SHROOM3: variants seen among roughly 807,000 people sequenced by gnomAD.
The protein encoded by SHROOM3 is protein Shroom3.
SHROOM3 carries 47 observed loss-of-function variants against 138.6 expected under a neutral mutation model. The ratio of observed to expected loss-of-function variants is 0.34; its 90% CI spans 0.27 to 0.43. SHROOM3 has a LOEUF of 0.43. Ranked by LOEUF, SHROOM3 falls within the 20% of genes least tolerant of loss-of-function variation. The probability of loss-of-function intolerance (pLI) is 1.00; values close to 1 mark genes in which losing one functional copy is unlikely to be tolerated. For missense variants in SHROOM3, 2,491 were observed against 2,596.5 expected (o/e 0.96, Z 0.88); for synonymous variants, 1,062 against 1,063.3 (o/e 1.00, Z 0.02).
chr4:76,746,798 TTATTATTATTATTA>T (rs1721450174), intron 5 of SHROOM3, among the ~76,000 whole-genome samples: 1 of 135,600 alleles, frequency 7.4e-6, no homozygotes, highest in Non-Finnish European at 1.5e-5. Flanking sequence ...ATTATTATTA[TTATTATTATTATTA>T]TTATTATTAT....
chr4:76,702,939 T>C (rs938310901), intron 2 of SHROOM3, among the ~76,000 whole-genome samples: 4 of 152,194 alleles, frequency 2.6e-5, no homozygotes, highest in African/African-American at 7.2e-5. Context: ...ATAGAGGTCA[T>C]TGGCTAAGAT....
At chr4:76,529,115 T>G (rs1241501536) in intron 1 of SHROOM3, among the ~76,000 whole-genome samples, 1 of 152,142 alleles carries the variant, frequency 6.6e-6, no homozygotes, top group Non-Finnish European at 1.5e-5. Flanking sequence ...TTGTTGGAGC[T>G]CATGGGGAAG....
chr4:76,768,701 A>T (rs1034852833), intron 9 of SHROOM3, among the ~76,000 whole-genome samples: 16 of 152,092 alleles, frequency 1.1e-4, no homozygotes, highest in African/African-American at 3.9e-4. Flanking sequence ...TTCAGTAGAG[A>T]TGGGCTTTCA....
chr4:76,560,864 A>C (rs1733582849), intron 2 of SHROOM3, among the ~76,000 whole-genome samples: 1 of 152,244 alleles, frequency 6.6e-6, no homozygotes, highest in Admixed American at 6.5e-5. Context: ...GACCTTGGGC[A>C]AGTAATTTAA....
At chr4:76,459,794 C>T (rs1283257370) in intron 1 of SHROOM3, among the ~76,000 whole-genome samples, 1 of 152,154 alleles carries the variant, frequency 6.6e-6, no homozygotes, top group Non-Finnish European at 1.5e-5. Flanking sequence ...GCTTACTTGA[C>T]TTCTCTGAGA....
intron 2 of SHROOM3, among the ~76,000 whole-genome samples, chr4:76,641,409 AG>A: frequency 6.6e-6 from 1 of 152,318 alleles, no homozygotes; most frequent in South Asian, 2.1e-4. Flanking sequence ...ACCCACAGGA[AG>A]GAGAATTTCC....
intron 9 of SHROOM3, among the ~76,000 whole-genome samples, chr4:76,770,008 A>T: frequency 6.6e-6 from 1 of 152,164 alleles, no homozygotes; most frequent in Non-Finnish European, 1.5e-5. Context: ...AAATGAGAAC[A>T]TGTCTTAAAA....
intron 1 of SHROOM3, among the ~76,000 whole-genome samples, chr4:76,513,330 G>GTTT (rs10656340): frequency 9.6e-4 from 142 of 148,434 alleles, no homozygotes; most frequent in Middle Eastern, 3.5e-3. Flanking sequence ...AAAATAATAT[G>GTTT]TTTTTTTTTT....
chr4:76,559,717 T>C (rs1181035097), intron 2 of SHROOM3: 2 of 152,194 alleles, frequency 1.3e-5, no homozygotes, highest in African/African-American at 4.8e-5. Context: ...ATATAAGTTT[T>C]GGGATTGTCT....
intron 9 of SHROOM3, among the ~76,000 whole-genome samples, chr4:76,761,786 G>C (rs115455080): frequency 9.9e-5 from 15 of 152,262 alleles, no homozygotes; most frequent in East Asian, 1.9e-4. Flanking sequence ...AGTGCCTTTT[G>C]GGGGAGTCAC....
At chr4:76,501,025 C>G (rs541275953) in intron 1 of SHROOM3, among the ~76,000 whole-genome samples, 1 of 152,242 alleles carries the variant, frequency 6.6e-6, no homozygotes, top group East Asian at 1.9e-4. Context: ...GCTATTTGCT[C>G]AGGCTAATCT....
chr4:76,595,439 T>C (rs1022516473), intron 2 of SHROOM3, among the ~76,000 whole-genome samples: 2 of 152,214 alleles, frequency 1.3e-5, no homozygotes, highest in African/African-American at 2.4e-5. Flanking sequence ...GATGATTTTC[T>C]TCCTTACATT....
intron 2 of SHROOM3, among the ~76,000 whole-genome samples, chr4:76,668,621 T>C (rs748305759): frequency 4.4e-4 from 67 of 152,220 alleles, no homozygotes; most frequent in Middle Eastern, 3.4e-3. Flanking sequence ...CTAAGAGGCA[T>C]ACATCACTTA....
chr4:76,455,982 C>T (rs1239569106), intron 1 of SHROOM3, among the ~76,000 whole-genome samples: 2 of 152,078 alleles, frequency 1.3e-5, no homozygotes, highest in Non-Finnish European at 1.5e-5. Flanking sequence ...ATAATCTACA[C>T]ATATCCTTTT....
intron 1 of SHROOM3, among the ~76,000 whole-genome samples, chr4:76,475,974 T>C (rs970907373): frequency 1.3e-5 from 2 of 152,122 alleles, no homozygotes; most frequent in Non-Finnish European, 2.9e-5. Flanking sequence ...CACAAAACAA[T>C]ACTGTTTTTT....
At chr4:76,449,216 A>T (rs965458938) in intron 1 of SHROOM3, among the ~76,000 whole-genome samples, 1 of 151,842 alleles carries the variant, frequency 6.6e-6, no homozygotes, top group East Asian at 1.9e-4. Flanking sequence ...CTTGAACAGA[A>T]TAGATAGAGA....
chr4:76,739,570 GCAT>G lies in SHROOM3; in HGVS notation c.1399_1401del (p.Ile467del). 4 of 1,614,192 alleles carry G rather than the reference GCAT, an allele frequency of 2.5e-6. No individual in the cohort carries two copies. The highest frequency in any genetic ancestry group is 3.4e-6 in the Non-Finnish European group (4 of 1,180,034). On this transcript the variant is annotated inframe_deletion, in exon 5 of 11. Transcript: ENST00000296043. ...CCTGGCCAACCTCTGCTGCCGACCAGCATCTACCCGGTACCTTCCCTGGAGCCA... is the reference window on the plus strand; with the variant it reads ...CCTGGCCAACCTCTGCTGCCGACCAGCTACCCGGTACCTTCCCTGGAGCCA...
chr4:76,770,639 G>A lies in SHROOM3; in HGVS notation c.5363G>A (p.Gly1788Glu). The change falls in exon 10 of 11, where the codon GGA becomes GAA. Residue 1788 changes from glycine to glutamate, a missense_variant. Around this residue, in one of 4 missense-constraint regions of SHROOM3, gnomAD observed 470 missense variants for 595.0 expected, o/e 0.79. Transcript: ENST00000296043. ...CTGTCATTTCAGGCTGAGCTCATTGGAAGTCTCACCCACAAGCTGGAGACC... is the reference window on the plus strand; with the variant it reads ...CTGTCATTTCAGGCTGAGCTCATTGAAAGTCTCACCCACAAGCTGGAGACC... ...DVNEKKAELI[G>E]SLTHKLETLQ... 1 of 1,614,078 alleles carries A rather than the reference G, an allele frequency of 6.2e-7. No individual in the cohort carries two copies. The highest frequency in any genetic ancestry group is 2.2e-5 in the East Asian group (1 of 44,860).
intron 2 of SHROOM3, among the ~76,000 whole-genome samples, chr4:76,641,411 G>A (rs1390223689): frequency 3.9e-5 from 6 of 152,092 alleles, no homozygotes; most frequent in Non-Finnish European, 5.9e-5. Context: ...CCACAGGAAG[G>A]AGAATTTCCT....
Sources: gnomAD v4.1 joint callset for allele counts (sites outside exome capture counted in the v4.1 genomes callset) on GRCh38, gnomAD v4.1.1 for gene constraint, gnomAD v4.1.1 regional missense constraint, MANE v1.5 for transcripts, NCBI Gene and HGNC (gene_info 2026-07-23, HGNC 2026-07-21) for gene names.